Variants in PSMA1 observed in about 807,000 individuals in gnomAD.
PSMA1 encodes proteasome 20S subunit alpha 1.
Under a neutral mutation model 38.4 loss-of-function variants are expected in PSMA1, and 3 were observed. That is an observed-to-expected ratio of 0.08 (90% CI 0.04 to 0.20). PSMA1 has a LOEUF of 0.20. Ranked by LOEUF, PSMA1 falls within the 10% of genes least tolerant of loss-of-function variation. The probability of loss-of-function intolerance (pLI) is 1.00; values close to 1 mark genes in which losing one functional copy is unlikely to be tolerated. For synonymous variants in PSMA1, 101 were observed against 107.1 expected (o/e 0.94, Z 0.35); for missense variants, 227 against 325.3 (o/e 0.70, Z 2.32).
intron 1 of PSMA1, among the ~76,000 whole-genome samples, chr11:14,634,483 T>A (rs1057483722): frequency 1.3e-5 from 2 of 152,156 alleles, no homozygotes; most frequent in African/African-American, 4.8e-5. Flanking sequence ...TTCCACTTAA[T>A]TCTTCGTAAA....
At position 14,587,251 on chromosome 11, in the gene PSMA1, A is replaced by G. The variant is rs527839961; in HGVS notation, c.21+23715T>C. On this transcript the variant is annotated intron_variant, in intron 2 of 10. Coordinates refer to the PSMA1 transcript ENST00000418988. ...ATGAGAGGCACCACAGGAGGACTGGAAACGGGAAGAGAGAAGCCAGGCCAT... is the reference window on the plus strand; with the variant it reads ...ATGAGAGGCACCACAGGAGGACTGGGAACGGGAAGAGAGAAGCCAGGCCAT... Among the ~76,000 whole-genome samples, 7 of 152,278 alleles carry G rather than the reference A, an allele frequency of 4.6e-5. No homozygotes were observed. The East Asian group carries it at 1.4e-3, about 29-fold the overall frequency.
intron 9 of PSMA1, among the ~76,000 whole-genome samples, chr11:14,505,780 G>A (rs1190333045): frequency 6.6e-6 from 1 of 152,154 alleles, no homozygotes; most frequent in African/African-American, 2.4e-5. Flanking sequence ...TGAGGCATGA[G>A]GATTGCTTAA....
rs1448648174 is a variant in PSMA1 at position 14,507,647 on chromosome 11, A to T, written c.735+9T>A. The T allele has an allele frequency of 1.3e-6, 2 of 1,552,340 alleles. No homozygotes were observed. The highest frequency in any genetic ancestry group is 2.7e-5 in the African/African-American group (2 of 73,290). On this transcript the variant is annotated intron_variant, in intron 9 of 9. Coordinates refer to ENST00000396394, the MANE Select transcript of PSMA1 (RefSeq NM_002786.4). ...TAGAACTAAAGCCTCTTGTGTTATG[A>T]TTATATACCTGTGCCTTTCTCTGTG...
intron 7 of PSMA1, among the ~76,000 whole-genome samples, chr11:14,512,574 A>G (rs1241639596): frequency 1.3e-5 from 2 of 152,166 alleles, no homozygotes; most frequent in African/African-American, 2.4e-5. Flanking sequence ...CAAACTTTGG[A>G]CACTGAGTTT....
intron 2 of PSMA1, among the ~76,000 whole-genome samples, chr11:14,585,338 C>G (rs898914343): frequency 6.6e-6 from 1 of 152,234 alleles, no homozygotes; most frequent in Non-Finnish European, 1.5e-5. Flanking sequence ...AAATGCATCT[C>G]TCTCTATATA....
chr11:14,523,459 C>T (rs1851551156), upstream of PSMA1, among the ~76,000 whole-genome samples: 1 of 151,912 alleles, frequency 6.6e-6, no homozygotes, highest in Admixed American at 6.6e-5. Context: ...TTTGTAGAGA[C>T]AGGGTCCTAC....
chr11:14,533,682 T>C (rs1851673860), intron 2 of PSMA1, among the ~76,000 whole-genome samples: 4 of 151,490 alleles, frequency 2.6e-5, no homozygotes, highest in Admixed American at 2.6e-4. Context: ...CCTCCCAAAG[T>C]GCTGGGATTA....
intron 2 of PSMA1, among the ~76,000 whole-genome samples, chr11:14,567,812 GATTCCTA>G (rs1481606894): frequency 6.6e-5 from 10 of 152,158 alleles, no homozygotes; most frequent in Non-Finnish European, 1.0e-4. Context: ...TCTTTACAAT[GATTCCTA>G]ATAATAGCGT....
chr11:14,640,193 G>A (rs1368861168), intron 1 of PSMA1, among the ~76,000 whole-genome samples: 1 of 152,150 alleles, frequency 6.6e-6, no homozygotes, highest in Non-Finnish European at 1.5e-5. Flanking sequence ...GAGGTCGGGG[G>A]AAAGAGGAGA....
chr11:14,623,041 T>A (rs1477742486), intron 1 of PSMA1, among the ~76,000 whole-genome samples: 1 of 152,204 alleles, frequency 6.6e-6, no homozygotes, highest in Non-Finnish European at 1.5e-5. Context: ...ATTACAAGTT[T>A]GGTTCTGCTG....
At chr11:14,556,788 A>G (rs575491493) in intron 2 of PSMA1, among the ~76,000 whole-genome samples, 1 of 152,298 alleles carries the variant, frequency 6.6e-6, no homozygotes, top group African/African-American at 2.4e-5. Flanking sequence ...TTGCTCTAGC[A>G]CTATTTGTTG....
rs764846188 is a variant in PSMA1, at chr11:14,507,673, G to A, written c.718C>T (p.Pro240Ser). 1.2e-6 allele frequency: 2 copies of A among 1,607,528 alleles called. No homozygotes were observed. The highest frequency in any genetic ancestry group is 1.7e-6 in the Non-Finnish European group (2 of 1,174,616). Residue 240 changes from proline (P) to serine (S), a missense_variant, in exon 9 of 10, where the codon CCA becomes TCA. By Grantham distance (74) the Pro-to-Ser change is moderately conservative. Coordinates refer to ENST00000396394, the MANE Select transcript of PSMA1 (RefSeq NM_002786.4). ...TTATATACCTGTGCCTTTCTCTGTG[G>A]TCTTTCTTCAAGACCTTCCAGGAAT... The part of the protein sequence containing the change: ...SPFLEGLEER[P>S]QRKAQPAQPA...
chr11:14,557,458 G>A (rs1851953339), intron 2 of PSMA1, among the ~76,000 whole-genome samples: 1 of 152,074 alleles, frequency 6.6e-6, no homozygotes, highest in African/African-American at 2.4e-5. Context: ...TGGCCAGGAT[G>A]GTCTCGATCT....
At chr11:14,594,926 A>T (rs1852467164) in intron 2 of PSMA1, among the ~76,000 whole-genome samples, 1 of 148,994 alleles carries the variant, frequency 6.7e-6, no homozygotes, top group Non-Finnish European at 1.5e-5. Flanking sequence ...AACCCCCAAC[A>T]GGCCCCAATG....
intron 1 of PSMA1, among the ~76,000 whole-genome samples, chr11:14,617,721 G>A (rs904565710): frequency 6.0e-5 from 9 of 150,952 alleles, no homozygotes; most frequent in Non-Finnish European, 1.2e-4. Flanking sequence ...GTGTGTGTGT[G>A]TATATGGGGT....
At chr11:14,508,690 C>T (rs758818920) in intron 8 of PSMA1, among the ~76,000 whole-genome samples, 6 of 151,814 alleles carry the variant, frequency 4.0e-5, no homozygotes, top group Admixed American at 6.6e-5. Flanking sequence ...ACAGAGTGAC[C>T]GTCAACAGAA....
chr11:14,607,312 C>T (rs1200513122), intron 2 of PSMA1, among the ~76,000 whole-genome samples: 1 of 152,184 alleles, frequency 6.6e-6, no homozygotes, highest in African/African-American at 2.4e-5. Context: ...CTGTAGCTAT[C>T]CTCTTGTGGA....
At chr11:14,541,984 C>T (rs535175332) in intron 2 of PSMA1, among the ~76,000 whole-genome samples, 7 of 152,068 alleles carry the variant, frequency 4.6e-5, no homozygotes, top group South Asian at 2.1e-4. Flanking sequence ...AAAATTATAA[C>T]GCATACAATG....
chr11:14,627,979 G>C (rs987925347), intron 1 of PSMA1, among the ~76,000 whole-genome samples: 4 of 152,104 alleles, frequency 2.6e-5, no homozygotes, highest in Non-Finnish European at 5.9e-5. Context: ...TGGCCTGTTA[G>C]GAACCAGGCT....
Sources: gnomAD v4.1 joint callset for allele counts (sites outside exome capture counted in the v4.1 genomes callset) on GRCh38, gnomAD v4.1.1 for gene constraint, MANE v1.5 for transcripts, NCBI Gene and HGNC (gene_info 2026-07-23, HGNC 2026-07-21) for gene names.